LARP4B: variants seen among roughly 807,000 people sequenced by gnomAD.
LARP4B encodes the protein La ribonucleoprotein 4B.
LARP4B carries 12 observed loss-of-function variants against 89.8 expected under a neutral mutation model. The ratio of observed to expected loss-of-function variants is 0.13; its 90% CI spans 0.09 to 0.22. LARP4B has a LOEUF of 0.22. LARP4B is among the 10% of genes least tolerant of loss of function. The pLI, the probability that LARP4B is intolerant of heterozygous loss-of-function variation, is 1.00. For synonymous variants in LARP4B, 367 were observed against 363.3 expected (o/e 1.01, Z -0.12); for missense variants, 757 against 947.7 (o/e 0.80, Z 2.64).
In LARP4B at chr10:822,611, T is replaced by C. The variant is rs892385997; in HGVS notation, c.1485-1766A>G. 1.3e-5 allele frequency among the ~76,000 whole-genome samples: 2 copies of C among 152,132 alleles called. No individual in the cohort carries two copies. Among genetic ancestry groups the C allele is most frequent in the African/African-American group, 2.4e-5 (1 of 41,420 alleles). ...CAGTGCCCATCATGCAGAGAGCAGG[T>C]TGGCTGAGCCAAGGCTCAGTGACAG... is the stretch of plus-strand genomic sequence containing the variant. On this transcript the variant is annotated intron_variant, in intron 13 of 17. Coordinates refer to ENST00000316157, the MANE Select transcript of LARP4B (RefSeq NM_015155.3). This position sits in a 1 kb window ranked among gnomAD's most constrained non-coding sequence, Gnocchi z 4.6.
Position 814,836 on chromosome 10 carries a change from G to A in LARP4B, c.1835C>T (p.Ala612Val), listed in dbSNP as rs377520251. The change falls in exon 17 of 18, where the codon GCG (alanine) becomes GTG (valine). Residue 612 changes from alanine to valine, a missense_variant. Ala to Val is a moderately conservative substitution (Grantham distance 64). Around this residue, in one of 5 missense-constraint regions of LARP4B, gnomAD observed 387 missense variants for 423.6 expected, o/e 0.91. Coordinates refer to ENST00000316157, the MANE Select transcript of LARP4B (RefSeq NM_015155.3). This position sits in a 1 kb window ranked among gnomAD's most constrained non-coding sequence, Gnocchi z 4.4. ...ACTGTGGGTTTCCCTCTGTTTCTCC[G>A]CCACCTTGGGATCACTGTAAAAATG... Reference protein sequence around the residue: ...PAHLPDDPKVAEKQRETHSVD... With the variant: ...PAHLPDDPKVVEKQRETHSVD... 90 of 1,593,210 alleles carry A rather than the reference G, an allele frequency of 5.6e-5. No individual in the cohort carries two copies. Among genetic ancestry groups the A allele is most frequent in the Non-Finnish European group, 6.8e-5 (79 of 1,164,590 alleles).
intron 1 of LARP4B, among the ~76,000 whole-genome samples, chr10:929,489 G>A (rs934360201): frequency 6.6e-6 from 1 of 152,098 alleles, no homozygotes; most frequent in African/African-American, 2.4e-5. Flanking sequence ...CCAGCTACTC[G>A]GGGGGCTGAG....
chr10:896,085 T>C (rs1564435651), intron 1 of LARP4B, among the ~76,000 whole-genome samples: 1 of 152,322 alleles, frequency 6.6e-6, no homozygotes, highest in East Asian at 1.9e-4. Flanking sequence ...TTTGCAGTTG[T>C]TTTTCAATAC....
intron 5 of LARP4B, among the ~76,000 whole-genome samples, chr10:853,112 C>G (rs1027692893): frequency 2.0e-5 from 3 of 152,126 alleles, no homozygotes; most frequent in African/African-American, 7.2e-5. Context: ...CATGGAAATA[C>G]ACAGGAACTG....
In LARP4B at chr10:817,309, G is replaced by A. The variant is rs1832115402; in HGVS notation, c.1695+416C>T. 2.0e-5 allele frequency among the ~76,000 whole-genome samples: 3 copies of A among 152,304 alleles called. No individual in the cohort carries two copies. The South Asian group carries it at 6.2e-4, about 32-fold the overall frequency. On this transcript the variant is annotated intron_variant, in intron 15 of 17. Coordinates refer to ENST00000316157, the MANE Select transcript of LARP4B (RefSeq NM_015155.3). ...CCAGAAGCTACCGACACTACAGTGA[G>A]GTTCTCCCAGGCTTCTTGCTCCTTG...
intron 14 of LARP4B, chr10:819,421 C>T (rs542688648): frequency 6.6e-6 from 1 of 152,250 alleles, no homozygotes; most frequent in Non-Finnish European, 1.5e-5. Flanking sequence ...CTGCTCAGGT[C>T]CCATGGGCGT....
intron 3 of LARP4B, among the ~76,000 whole-genome samples, chr10:883,027 T>C (rs1835731553): frequency 6.6e-6 from 1 of 152,216 alleles, no homozygotes; most frequent in African/African-American, 2.4e-5. Context: ...AAAACATTCA[T>C]AGCAATGCCT....
intron 5 of LARP4B, among the ~76,000 whole-genome samples, chr10:852,837 C>A (rs1834124565): frequency 6.6e-6 from 1 of 152,126 alleles, no homozygotes; most frequent in South Asian, 2.1e-4. Context: ...TAACAAACAA[C>A]TGCAAATACA....
rs1222846287 is a variant in LARP4B at position 812,798 on chromosome 10, A to T, written c.*128T>A. ...AGAATCCAACTCACAGAAGAAAACC[A>T]ACTTGAGGATCCCACAGGCCTCAGA... On this transcript the variant is annotated 3_prime_UTR_variant, in exon 18 of 18. Coordinates refer to ENST00000316157, the MANE Select transcript of LARP4B (RefSeq NM_015155.3). The T allele has an allele frequency of 3.7e-6, 3 of 816,114 alleles. No homozygotes were observed. Among genetic ancestry groups the T allele is most frequent in the Non-Finnish European group, 5.1e-6 (3 of 585,808 alleles). The allele number at this position is 816,114 out of a possible 1,614,324, so 50.6% of individuals were successfully genotyped here.
chr10:932,278 G>A (rs1333291816), upstream of LARP4B, among the ~76,000 whole-genome samples: 1 of 144,234 alleles, frequency 6.9e-6, no homozygotes, highest in African/African-American at 2.6e-5. Flanking sequence ...CCACAGCTGG[G>A]ATCAAGGTCC....
At chr10:848,726 C>T (rs1833897580) in intron 5 of LARP4B, among the ~76,000 whole-genome samples, 1 of 152,048 alleles carries the variant, frequency 6.6e-6, no homozygotes, top group African/African-American at 2.4e-5. Context: ...ATGAGAAGCA[C>T]AACCAGCTGA....
At chr10:899,111 T>C (rs1197161822) in intron 1 of LARP4B, among the ~76,000 whole-genome samples, 15 of 152,236 alleles carry the variant, frequency 9.9e-5, no homozygotes, top group Non-Finnish European at 7.3e-5. Context: ...TACAATATGG[T>C]ACTTAAATAT....
At chr10:979,155 T>C in the LARP4B span, among the ~76,000 whole-genome samples, 1 of 152,228 alleles carries the variant, frequency 6.6e-6, no homozygotes. Flanking sequence ...TCTTAGTCTT[T>C]ATATCTTCAA....
At chr10:987,350 T>C in the LARP4B span, 2 of 152,238 alleles carry the variant, frequency 1.3e-5, no homozygotes, top group Non-Finnish European at 1.5e-5. Flanking sequence ...AGAGGTATTT[T>C]CGCGTAAGAA....
Position 813,318 on chromosome 10 carries a change from T to C in LARP4B, c.1930-105A>G, listed in dbSNP as rs1831843789. On this transcript the variant is annotated intron_variant, in intron 17 of 17. Transcript: ENST00000316157. ...AAAAGAGTTTTCAACTGTAACTAAG[T>C]TTCCATCTTCACTAGTGTTTTTAAC... 3 of 1,192,490 alleles carry C rather than the reference T, an allele frequency of 2.5e-6. No individual in the cohort carries two copies. The Admixed American group carries it at 8.0e-5, about 32-fold the overall frequency. 73.9% of individuals were successfully genotyped at this position (1,192,490 alleles called of 1,614,324 possible).
At chr10:879,864 C>T (rs1220921931) in intron 3 of LARP4B, among the ~76,000 whole-genome samples, 1 of 152,200 alleles carries the variant, frequency 6.6e-6, no homozygotes, top group African/African-American at 2.4e-5. Flanking sequence ...ACCTCCGCCT[C>T]CCGGGTTCAA....
the LARP4B span, chr10:985,155 C>A: frequency 6.6e-6 from 1 of 152,210 alleles, no homozygotes; most frequent in Non-Finnish European, 1.5e-5. Context: ...TCACACCCAC[C>A]TCACTATGCT....
At position 872,366 on chromosome 10, in the gene LARP4B, G is replaced by A. The variant is rs114040448; in HGVS notation, c.142-8096C>T. On this transcript the variant is annotated intron_variant, in intron 3 of 17. Transcript: ENST00000316157. ...CTCGCCCGCCCCTGACATGGCACGC[G>A]AGGCTGAAGGCACTGAAGAGCAACA... Among the ~76,000 whole-genome samples, 513 of 152,262 alleles carry A rather than the reference G, an allele frequency of 3.4e-3. 3 individuals are homozygous for A. The highest frequency in any genetic ancestry group is 0.011 in the African/African-American group (465 of 41,556).
the LARP4B span, among the ~76,000 whole-genome samples, chr10:975,790 C>T: frequency 1.2e-4 from 18 of 150,198 alleles, no homozygotes; most frequent in African/African-American, 4.2e-4. Context: ...TGTCGTGCAA[C>T]GTGTGGACCC....
Sources: gnomAD v4.1 joint callset for allele counts (sites outside exome capture counted in the v4.1 genomes callset) on GRCh38, gnomAD v4.1.1 for gene constraint, gnomAD v4.1.1 regional missense constraint, Gnocchi (gnomAD v3.1) non-coding constraint, MANE v1.5 for transcripts, NCBI Gene and HGNC (gene_info 2026-07-23, HGNC 2026-07-21) for gene names.